The following LMF1 variants were observed in gnomAD, a reference collection of about 807,000 sequenced individuals.
LMF1 encodes lipase maturation factor 1.
A neutral mutation model predicts 60.6 loss-of-function variants in LMF1; 68 were observed. The observed-to-expected ratio is 1.12, with a 90% CI of 0.92 to 1.37. The LOEUF (loss-of-function observed/expected upper bound fraction) is 1.37, where lower values mean the gene tolerates loss of function less well. Among genes scored for constraint, LMF1 ranks in the 40% most tolerant of loss-of-function variants. LMF1 has a pLI of 0.00. For synonymous variants in LMF1, 418 were observed against 324.7 expected (o/e 1.29, Z -3.09); for missense variants, 948 against 767.2 (o/e 1.24, Z -2.78).
At chr16:924,484 C>A (rs2151771524) in intron 3 of LMF1, among the ~76,000 whole-genome samples, 1 of 152,224 alleles carries the variant, frequency 6.6e-6, no homozygotes, top group South Asian at 2.1e-4. Flanking sequence ...AGTTGAGAAA[C>A]AAAAGGCCAC....
chr16:915,874 G>GGAGCAGGTGAGACTTGGGGGCCT (rs1464888685), intron 3 of LMF1, among the ~76,000 whole-genome samples: 1 of 152,150 alleles, frequency 6.6e-6, no homozygotes, highest in Non-Finnish European at 1.5e-5. Flanking sequence ...CGCGGGGGCC[G>GGAGCAGGTGAGACTTGGGGGCCT]GAGCAGGTGA....
chr16:879,080 G>A (rs1038215150), intron 6 of LMF1, among the ~76,000 whole-genome samples: 18 of 152,084 alleles, frequency 1.2e-4, no homozygotes, highest in South Asian at 2.1e-4. Context: ...AGGACGGGGC[G>A]TTAGGGGGTA....
chr16:890,387 C>T (rs2070447973), intron 5 of LMF1, among the ~76,000 whole-genome samples: 1 of 152,224 alleles, frequency 6.6e-6, no homozygotes, highest in African/African-American at 2.4e-5. Context: ...ATGCGATTCC[C>T]CAAGGACAGC....
At chr16:894,482 G>A (rs537317508) in intron 4 of LMF1, among the ~76,000 whole-genome samples, 2 of 151,956 alleles carry the variant, frequency 1.3e-5, no homozygotes, top group East Asian at 3.9e-4. Flanking sequence ...CTTCTACCTG[G>A]CACATAAGTA....
chr16:976,628 G>C (rs1236710624), intron 1 of LMF1: 2 of 453,976 alleles, frequency 4.4e-6, no homozygotes, highest in Non-Finnish European at 8.8e-6. Context: ...GAGAGCAAAT[G>C]CGTGCTGTTG....
At chr16:941,598 G>T (rs935209921) in intron 2 of LMF1, among the ~76,000 whole-genome samples, 1 of 152,164 alleles carries the variant, frequency 6.6e-6, no homozygotes, top group African/African-American at 2.4e-5. Context: ...TGGCTCATTG[G>T]TTATTTTTTG....
Position 917,922 on chromosome 16 carries a change from G to A in LMF1, c.515-6843C>T, listed in dbSNP as rs549127897. Among the ~76,000 whole-genome samples, 5 of 152,348 alleles carry A rather than the reference G, an allele frequency of 3.3e-5. No individual in the cohort carries two copies. In the East Asian group the frequency reaches 5.8e-4, roughly 18 times the overall value. Reference sequence around the variant, plus strand: ...GAACCGGCCTGAGCTTCACAGCTGCGTCTGCCCGCTGGCCATGTCTCACGT... The same window carrying A: ...GAACCGGCCTGAGCTTCACAGCTGCATCTGCCCGCTGGCCATGTCTCACGT... On this transcript the variant is annotated intron_variant, in intron 3 of 10. Coordinates refer to ENST00000262301, the MANE Select transcript of LMF1 (RefSeq NM_022773.4).
intron 3 of LMF1, among the ~76,000 whole-genome samples, chr16:921,646 G>A (rs895529960): frequency 1.3e-5 from 2 of 152,222 alleles, no homozygotes; most frequent in African/African-American, 4.8e-5. Flanking sequence ...TTTATGGAGG[G>A]AAAGACGCAG....
chr16:911,691 G>C, intron 3 of LMF1, among the ~76,000 whole-genome samples: 1 of 144,354 alleles, frequency 6.9e-6, no homozygotes, highest in East Asian at 2.1e-4. Flanking sequence ...GAGCAGCACT[G>C]GGGGAGCAGC....
intron 4 of LMF1, chr16:899,352 G>A (rs2070747377): frequency 6.6e-6 from 1 of 152,350 alleles, no homozygotes; most frequent in Non-Finnish European, 1.5e-5. Context: ...CGGAGTCAGA[G>A]GTCTGCCCCT....
At chr16:909,524 C>CA (rs1295814160) in intron 4 of LMF1, among the ~76,000 whole-genome samples, 7 of 152,126 alleles carry the variant, frequency 4.6e-5, no homozygotes, top group Admixed American at 3.9e-4. Context: ...AGCCACGCTA[C>CA]ACGCTATACC....
chr16:902,207 CT>C (rs1430059036), intron 4 of LMF1: 1 of 152,518 alleles, frequency 6.6e-6, no homozygotes, highest in African/African-American at 2.4e-5. Context: ...GTGGACAGCC[CT>C]GGGCCAGCGC....
At chr16:893,765 C>G (rs1004811249) in intron 4 of LMF1, among the ~76,000 whole-genome samples, 1 of 152,078 alleles carries the variant, frequency 6.6e-6, no homozygotes, top group Non-Finnish European at 1.5e-5. Context: ...CTGGGTCACT[C>G]CCGGCTTCAG....
intron 4 of LMF1, 76 bp downstream of exon 4, chr16:910,855 C>A: frequency 6.3e-7 from 1 of 1,576,938 alleles, no homozygotes. Context: ...GAAACAGCCT[C>A]ACCTCTCCTA....
Position 868,930 on chromosome 16 carries a change from G to T in LMF1, c.1529+14C>A. ...GGGGGAGACCCCTGAGCAGCGGCAG[G>T]GAGGGCATCCTACCTGGGCGGGGGC... On this transcript the variant is annotated intron_variant, in intron 10 of 10. Coordinates refer to ENST00000262301, the MANE Select transcript of LMF1 (RefSeq NM_022773.4). 6.4e-7 allele frequency: 1 copy of T among 1,553,676 alleles called. No homozygotes were observed. Among genetic ancestry groups the T allele is most frequent in the Non-Finnish European group, 8.9e-7 (1 of 1,128,402 alleles).
chr16:872,411 T>G (rs761289235), intron 6 of LMF1: 2 of 152,296 alleles, frequency 1.3e-5, no homozygotes, highest in African/African-American at 4.8e-5. Context: ...TGTGCACTCA[T>G]GGCTCTCCCT....
intron 4 of LMF1, among the ~76,000 whole-genome samples, chr16:906,028 C>T (rs1039168095): frequency 6.6e-6 from 1 of 152,170 alleles, no homozygotes; most frequent in African/African-American, 2.4e-5. Context: ...TTTATGTTTG[C>T]AATCCATCTC....
At chr16:946,797 C>T (rs1345515451) in intron 2 of LMF1, among the ~76,000 whole-genome samples, 1 of 152,212 alleles carries the variant, frequency 6.6e-6, no homozygotes, top group Non-Finnish European at 1.5e-5. Flanking sequence ...GTGGGCCTGA[C>T]CAAGCTGAAG....
At chr16:929,041 C>T (rs1359567609) in intron 3 of LMF1, among the ~76,000 whole-genome samples, 1 of 152,144 alleles carries the variant, frequency 6.6e-6, no homozygotes, top group East Asian at 1.9e-4. Context: ...CACAAGGCTG[C>T]CCCTGGTTCC....
Sources: allele counts gnomAD v4.1 joint callset (sites outside exome capture counted in the v4.1 genomes callset), GRCh38; gene constraint gnomAD v4.1.1; transcripts MANE v1.5; gene names NCBI Gene and HGNC (gene_info 2026-07-23, HGNC 2026-07-21).